CCDC138: variants seen among roughly 807,000 people sequenced by gnomAD.
CCDC138 encodes coiled-coil domain-containing protein 138.
A neutral mutation model predicts 82.3 loss-of-function variants in CCDC138; 66 were observed. That is an observed-to-expected ratio of 0.80 (90% CI 0.66 to 0.98). CCDC138 has a LOEUF of 0.98. CCDC138 is among the 50% of genes least tolerant of loss of function. The pLI, the probability that CCDC138 is intolerant of heterozygous loss-of-function variation, is 0.00. For synonymous variants in CCDC138, 297 were observed against 265.4 expected, an observed-to-expected ratio of 1.12 and a Z score of -1.16; for missense variants, 816 against 758.9, an observed-to-expected ratio of 1.08 and a Z score of -0.88.
chr2:108,842,655 TGG>T (rs1689702692), intron 11 of CCDC138, among the ~76,000 whole-genome samples: 1 of 152,044 alleles, frequency 6.6e-6, no homozygotes, highest in African/African-American at 2.4e-5. Flanking sequence ...CATAGGGAAG[TGG>T]TCATTAGGGA....
chr2:108,841,157 G>GT (rs1354006598), intron 11 of CCDC138, among the ~76,000 whole-genome samples: 4 of 152,042 alleles, frequency 2.6e-5, no homozygotes, highest in Non-Finnish European at 5.9e-5. Context: ...TTCTTTAGAA[G>GT]TTTGTTGTGT....
intron 5 of CCDC138, among the ~76,000 whole-genome samples, chr2:108,796,518 T>TA (rs1187050424): frequency 2.0e-5 from 3 of 152,208 alleles, no homozygotes; most frequent in Non-Finnish European, 4.4e-5. Context: ...ATCGAAGAGA[T>TA]ACCTGCACTC....
chr2:108,828,414 G>T (rs191791260), intron 10 of CCDC138, among the ~76,000 whole-genome samples: 1 of 152,236 alleles, frequency 6.6e-6, no homozygotes, highest in East Asian at 1.9e-4. Context: ...ACCATAAAAA[G>T]AACAAAGTTA....
At chr2:108,869,738 G>A (rs1227628179) in intron 13 of CCDC138, among the ~76,000 whole-genome samples, 1 of 152,090 alleles carries the variant, frequency 6.6e-6, no homozygotes, top group Non-Finnish European at 1.5e-5. Context: ...TGCATGCCCA[G>A]ACAAGACCTG....
At chr2:108,852,264 T>G (rs1359824995) in intron 12 of CCDC138, among the ~76,000 whole-genome samples, 1 of 152,200 alleles carries the variant, frequency 6.6e-6, no homozygotes, top group Admixed American at 6.5e-5. Context: ...GATACAACTC[T>G]TCTTTATGGA....
chr2:108,878,649 T>C (rs17036975), downstream of CCDC138, among the ~76,000 whole-genome samples: 2 of 152,212 alleles, frequency 1.3e-5, no homozygotes, highest in Non-Finnish European at 2.9e-5. Flanking sequence ...GTGAGACCTT[T>C]TATTTGAAAA....
intron 10 of CCDC138, among the ~76,000 whole-genome samples, chr2:108,823,151 A>C (rs1260993978): frequency 1.3e-5 from 2 of 152,206 alleles, no homozygotes; most frequent in South Asian, 2.1e-4. Flanking sequence ...ATTACAAAAA[A>C]ACCCAAACCT....
intron 1 of CCDC138, 89 bp downstream of exon 1, chr2:108,787,004 C>T: frequency 1.1e-6 from 1 of 877,752 alleles, no homozygotes. Context: ...TGGGGGCGCG[C>T]AGCGGCTCTG....
chr2:108,804,752 T>C, intron 6 of CCDC138, 137 bp from the exon 7 acceptor site: 1 of 639,584 alleles, frequency 1.6e-6, no homozygotes, highest in Non-Finnish European at 2.4e-6. Flanking sequence ...GCCACACTAG[T>C]CACTTGTGCT....
At chr2:108,797,103 G>A (rs900947646) in intron 5 of CCDC138, among the ~76,000 whole-genome samples, 2 of 152,112 alleles carry the variant, frequency 1.3e-5, no homozygotes, top group Admixed American at 1.3e-4. Flanking sequence ...TTGTAGGTTG[G>A]GAACAATTAG....
intron 10 of CCDC138, among the ~76,000 whole-genome samples, chr2:108,822,293 T>A (rs1205473836): frequency 6.6e-6 from 1 of 152,108 alleles, no homozygotes; most frequent in Non-Finnish European, 1.5e-5. Flanking sequence ...AACATCAGAC[T>A]TCTAAAATAT....
downstream of CCDC138, among the ~76,000 whole-genome samples, chr2:108,879,509 T>G (rs1199385013): frequency 6.6e-6 from 1 of 152,180 alleles, no homozygotes; most frequent in African/African-American, 2.4e-5. Flanking sequence ...ATGGAGAAAT[T>G]AATACCAACT....
chr2:108,868,906 AAAAAAATGAAATTTTTTTCT>A (rs1172772730), intron 13 of CCDC138, among the ~76,000 whole-genome samples: 8 of 151,854 alleles, frequency 5.3e-5, no homozygotes, highest in African/African-American at 9.7e-5. Flanking sequence ...TTTGTGAAAG[AAAAAAATGAAATTTTTTTCT>A]ATTTGATTAA....
chr2:108,834,996 A>G (rs976032613), intron 10 of CCDC138, among the ~76,000 whole-genome samples: 9 of 152,260 alleles, frequency 5.9e-5, no homozygotes, highest in Non-Finnish European at 1.2e-4. Context: ...AGTCAAATGG[A>G]TCTTGAAATA....
chr2:108,873,420 A>T (rs1695570134), intron 13 of CCDC138, 31 bp from the exon 14 acceptor site: 1 of 1,524,512 alleles, frequency 6.6e-7, no homozygotes, highest in East Asian at 2.3e-5. Flanking sequence ...GCTACTCCCT[A>T]ATAGTAAAGC....
chr2:108,813,491 A>T (rs1684253672), intron 9 of CCDC138, among the ~76,000 whole-genome samples: 2 of 152,170 alleles, frequency 1.3e-5, no homozygotes, highest in Admixed American at 1.3e-4. Flanking sequence ...TCATTGACAC[A>T]TCATTAATGG....
At chr2:108,809,340 A>C (rs760621051) in intron 7 of CCDC138, among the ~76,000 whole-genome samples, 9 of 151,866 alleles carry the variant, frequency 5.9e-5, no homozygotes, top group Non-Finnish European at 1.3e-4. Flanking sequence ...ATTTTTTTCT[A>C]TTTCTGTGAA....
intron 11 of CCDC138, among the ~76,000 whole-genome samples, chr2:108,840,986 G>GT (rs1224527027): frequency 6.6e-6 from 1 of 151,138 alleles, no homozygotes; most frequent in Non-Finnish European, 1.5e-5. Flanking sequence ...TAATTTTTGT[G>GT]TTTTTTGTGT....
At chr2:108,815,143 A>G (rs1240859259) in intron 9 of CCDC138, among the ~76,000 whole-genome samples, 1 of 152,138 alleles carries the variant, frequency 6.6e-6, no homozygotes, top group Non-Finnish European at 1.5e-5. Context: ...AAATGTTCAT[A>G]TGTGTATTGA....
Sources: allele counts gnomAD v4.1 joint callset (sites outside exome capture counted in the v4.1 genomes callset), GRCh38; gene constraint gnomAD v4.1.1; transcripts MANE v1.5; gene names NCBI Gene and HGNC (gene_info 2026-07-23, HGNC 2026-07-21).